The following GPSM3 variants were observed in gnomAD, a reference collection of about 807,000 sequenced individuals.
The protein encoded by GPSM3 is G protein-signaling modulator 3.
Under a neutral mutation model 20.4 loss-of-function variants are expected in GPSM3, and 16 were observed. The ratio of observed to expected loss-of-function variants is 0.78; its 90% confidence interval spans 0.53 to 1.19. The LOEUF (loss-of-function observed/expected upper bound fraction) is 1.19, where lower values mean the gene tolerates loss of function less well. GPSM3 is among the 50% of genes most tolerant of loss of function. The pLI, the probability that GPSM3 is intolerant of heterozygous loss-of-function variation, is 0.00. For synonymous variants in GPSM3, 70 were observed against 79.6 expected (o/e 0.88, Z 0.64); for missense variants, 177 against 204.6 (o/e 0.86, Z 0.82).
Position 32,192,180 on chromosome 6 carries a change from G to A in GPSM3, c.113C>T (p.Pro38Leu), listed in dbSNP as rs770178785. 1.3e-6 allele frequency: 2 copies of A among 1,512,550 alleles called. No individual in the cohort carries two copies. Among genetic ancestry groups the A allele is most frequent in the East Asian group, 2.3e-5 (1 of 43,590 alleles). The allele number at this position is 1,512,550 out of a possible 1,614,324, so 93.7% of individuals were successfully genotyped here. ...STTRPWRSAP[P>L]SPPPPGTRHT... ...GCGGGTCCCTGGAGGAGGAGGGGATGGAGGAGCAGATCGCCAAGGCCGAGT... is the reference window on the plus strand; with the variant it reads ...GCGGGTCCCTGGAGGAGGAGGGGATAGAGGAGCAGATCGCCAAGGCCGAGT... The change falls in exon 2 of 4, where the codon CCA becomes CTA. Residue 38 changes from proline to leucine, a missense_variant. Coordinates refer to ENST00000375040, the MANE Select transcript of GPSM3 (RefSeq NM_001276501.2). This position sits in a 1 kb window ranked among gnomAD's most constrained non-coding sequence, Gnocchi z 5.1.
rs1354543853 is a variant in GPSM3, at chr6:32,191,609, G to T, written c.345+100C>A. ...GGGAGGCATATAGGAAACCTGTGAAGGCGATGGGGTGCCTAGGGAGAAACA... is the reference window on the plus strand; with the variant it reads ...GGGAGGCATATAGGAAACCTGTGAATGCGATGGGGTGCCTAGGGAGAAACA... On this transcript the variant is annotated intron_variant, in intron 3 of 3. Transcript: ENST00000375040. The surrounding 1 kb of genome is among the most constrained non-coding windows in gnomAD (Gnocchi z 5.9). 6.8e-7 allele frequency: 1 copy of T among 1,479,894 alleles called. No homozygotes were observed. Among genetic ancestry groups the T allele is most frequent in the Non-Finnish European group, 9.1e-7 (1 of 1,097,958 alleles). 91.7% of individuals were successfully genotyped at this position (1,479,894 alleles called of 1,614,324 possible).
chr6:32,192,421 C>T lies in GPSM3; in HGVS notation c.42+51G>A. On this transcript the variant is annotated intron_variant, in intron 1 of 3. Transcript: ENST00000375040. This position sits in a 1 kb window ranked among gnomAD's most constrained non-coding sequence, Gnocchi z 5.1. Reference sequence around the variant, plus strand: ...CCTACATTTCTGCCCCAGGTCCTCTCACCTCCCTTCTTTCCCAGTGTCAGC... The same window carrying T: ...CCTACATTTCTGCCCCAGGTCCTCTTACCTCCCTTCTTTCCCAGTGTCAGC... 4 of 1,552,810 alleles carry T rather than the reference C, an allele frequency of 2.6e-6. No homozygotes were observed. The highest frequency in any genetic ancestry group is 1.4e-5 in the African/African-American group (1 of 73,664).
chr6:32,192,212 G>A lies in GPSM3; in HGVS notation c.81C>T (p.Asn27=), dbSNP rs1787580904. 3 of 1,514,282 alleles carry A rather than the reference G, an allele frequency of 2.0e-6. No homozygotes were observed. The highest frequency in any genetic ancestry group is 2.3e-5 in the Admixed American group (1 of 44,336). The allele number at this position is 1,514,282 out of a possible 1,614,324, so 93.8% of individuals were successfully genotyped here. A position where few individuals can be genotyped will look rare whatever the true frequency, so the allele number is the denominator to read the frequency against. Residue 27 remains asparagine, a synonymous_variant, in exon 2 of 4, where the codon AAC becomes AAT. Coordinates refer to ENST00000375040, the MANE Select transcript of GPSM3 (RefSeq NM_001276501.2). This position sits in a 1 kb window ranked among gnomAD's most constrained non-coding sequence, Gnocchi z 5.1. ...CAGATCGCCAAGGCCGAGTGGTGGA[G>A]TTTGGAGGGGGCCAGCCTTCCTCAT... The part of the protein sequence containing the change: ...PQDEEGWPPP[N]STTRPWRSAP...
Position 32,191,922 on chromosome 6 carries a change from T to G in GPSM3, c.146-14A>C, listed in dbSNP as rs1582751206. On this transcript the variant is annotated splice_polypyrimidine_tract_variant and intron_variant, in intron 2 of 3. Coordinates refer to ENST00000375040, the MANE Select transcript of GPSM3 (RefSeq NM_001276501.2). This position sits in a 1 kb window ranked among gnomAD's most constrained non-coding sequence, Gnocchi z 5.9. ...GGGGTCCCAGGGCTGGGGAGAGGGGTGTGGAGGGCTCAGAGACCCAGAGAG... is the reference window on the plus strand; with the variant it reads ...GGGGTCCCAGGGCTGGGGAGAGGGGGGTGGAGGGCTCAGAGACCCAGAGAG... The G allele has an allele frequency of 1.2e-6, 2 of 1,604,602 alleles. No homozygotes were observed. The highest frequency in any genetic ancestry group is 1.7e-6 in the Non-Finnish European group (2 of 1,176,964).
Position 32,191,070 on chromosome 6 carries a change from A to G in GPSM3, c.*296T>C, listed in dbSNP as rs1441727450. ...ACAACTGGTGGTGTCCCCACAAGTTAGGGAAAAGACTCCCAGCCACTCCTT... is the reference window on the plus strand; with the variant it reads ...ACAACTGGTGGTGTCCCCACAAGTTGGGGAAAAGACTCCCAGCCACTCCTT... On this transcript the variant is annotated 3_prime_UTR_variant, in exon 4 of 4. Transcript: ENST00000375040. The surrounding 1 kb of genome is among the most constrained non-coding windows in gnomAD (Gnocchi z 5.9). 2.8e-6 allele frequency: 1 copy of G among 362,360 alleles called. No individual in the cohort carries two copies. The highest frequency in any genetic ancestry group is 5.0e-6 in the Non-Finnish European group (1 of 202,002). 22.4% of individuals were successfully genotyped at this position (362,360 alleles called of 1,614,324 possible). A position where few individuals can be genotyped will look rare whatever the true frequency, so the allele number is the denominator to read the frequency against.
In GPSM3 at chr6:32,192,271, T is replaced by G; in HGVS notation, c.43-21A>C. On this transcript the variant is annotated intron_variant, in intron 1 of 3. Transcript: ENST00000375040. The surrounding 1 kb of genome is among the most constrained non-coding windows in gnomAD (Gnocchi z 5.1). ...GGGCCCTGATGCCAAAATATGTCCATTCTAGTCAAGCAGTGGTGGTTGAAG... is the reference window on the plus strand; with the variant it reads ...GGGCCCTGATGCCAAAATATGTCCAGTCTAGTCAAGCAGTGGTGGTTGAAG... 1 of 1,513,762 alleles carries G rather than the reference T, an allele frequency of 6.6e-7. No individual in the cohort carries two copies. The highest frequency in any genetic ancestry group is 1.3e-5 in the South Asian group (1 of 77,510). 93.8% of individuals were successfully genotyped at this position (1,513,762 alleles called of 1,614,324 possible).
Position 32,192,414 on chromosome 6 carries a change from G to A in GPSM3, c.42+58C>T, listed in dbSNP as rs936147775. 6 of 1,533,492 alleles carry A rather than the reference G, an allele frequency of 3.9e-6. No homozygotes were observed. The highest frequency in any genetic ancestry group is 1.4e-5 in the African/African-American group (1 of 73,226). The allele number at this position is 1,533,492 out of a possible 1,614,324, so 95.0% of individuals were successfully genotyped here. ...CTGTGTCCCTACATTTCTGCCCCAG[G>A]TCCTCTCACCTCCCTTCTTTCCCAG... On this transcript the variant is annotated intron_variant, in intron 1 of 3. Coordinates refer to ENST00000375040, the MANE Select transcript of GPSM3 (RefSeq NM_001276501.2). The surrounding 1 kb of genome is among the most constrained non-coding windows in gnomAD (Gnocchi z 5.1).
At chr6:32,194,524 G>A (rs1787732628), upstream of GPSM3, 1 of 157,974 alleles carries the variant, frequency 6.3e-6, no homozygotes, top group African/African-American at 2.4e-5. The surrounding 1 kb of genome is among the most constrained non-coding windows in gnomAD (Gnocchi z 4.5). Context: ...ACAGGAGGTG[G>A]AGCTTGGGCA....
Position 32,192,233 on chromosome 6 carries a change from C to G in GPSM3, c.60G>C (p.Glu20Asp). Reference sequence around the variant, plus strand: ...TGGAGTTTGGAGGGGGCCAGCCTTCCTCATCCTGAGGGGGGCCCTGATGCC... The same window carrying G: ...TGGAGTTTGGAGGGGGCCAGCCTTCGTCATCCTGAGGGGGGCCCTGATGCC... ...EDGEQGPPQDEEGWPPPNSTT... is the reference protein window; with the variant it reads ...EDGEQGPPQDDEGWPPPNSTT... Residue 20 changes from glutamate (E) to aspartate (D), a missense_variant, in exon 2 of 4, where the codon GAG becomes GAC. Physicochemically the swap from Glu to Asp is conservative, Grantham distance 45. Coordinates refer to ENST00000375040, the MANE Select transcript of GPSM3 (RefSeq NM_001276501.2). The surrounding 1 kb of genome is among the most constrained non-coding windows in gnomAD (Gnocchi z 5.1). 1 of 1,517,706 alleles carries G rather than the reference C, an allele frequency of 6.6e-7. No individual in the cohort carries two copies. Among genetic ancestry groups the G allele is most frequent in the Non-Finnish European group, 8.8e-7 (1 of 1,133,754 alleles). 94.0% of individuals were successfully genotyped at this position (1,517,706 alleles called of 1,614,324 possible). A position where few individuals can be genotyped will look rare whatever the true frequency, so the allele number is the denominator to read the frequency against.
rs1010616656 is a variant in GPSM3, at chr6:32,192,332, G to A, written c.43-82C>T. The stretch of plus-strand genomic sequence containing the variant: ...GGACAGGGGGCTAGGCCAGTGGCCC[G>A]TTTCCTCTCTGTGTGTCTCTGTTCC... On this transcript the variant is annotated intron_variant, in intron 1 of 3. Transcript: ENST00000375040. The surrounding 1 kb of genome is among the most constrained non-coding windows in gnomAD (Gnocchi z 5.1). 2.1e-5 allele frequency: 29 copies of A among 1,349,232 alleles called. No individual in the cohort carries two copies. The Admixed American group carries it at 4.3e-4, about 20-fold the overall frequency. 83.6% of individuals were successfully genotyped at this position (1,349,232 alleles called of 1,614,324 possible).
At position 32,192,381 on chromosome 6, in the gene GPSM3, C is replaced by A; in HGVS notation, c.42+91G>T. 6.9e-7 allele frequency: 1 copy of A among 1,455,944 alleles called. No individual in the cohort carries two copies. 90.2% of individuals were successfully genotyped at this position (1,455,944 alleles called of 1,614,324 possible). Reference sequence around the variant, plus strand: ...CCTGCCTCAGTTTGCCCAAGCCTTTCAAGGCCCCTGTGTCCCTACATTTCT... The same window carrying A: ...CCTGCCTCAGTTTGCCCAAGCCTTTAAAGGCCCCTGTGTCCCTACATTTCT... On this transcript the variant is annotated intron_variant, in intron 1 of 3. Coordinates refer to ENST00000375040, the MANE Select transcript of GPSM3 (RefSeq NM_001276501.2). This position sits in a 1 kb window ranked among gnomAD's most constrained non-coding sequence, Gnocchi z 5.1.
upstream of GPSM3, among the ~76,000 whole-genome samples, chr6:32,193,464 C>T (rs776112399): frequency 3.3e-5 from 5 of 152,110 alleles, no homozygotes; most frequent in Non-Finnish European, 5.9e-5. The surrounding 1 kb of genome is among the most constrained non-coding windows in gnomAD (Gnocchi z 4.7). Context: ...TGTGCCACTG[C>T]GCTCCAGCCT....
chr6:32,194,985 G>C, upstream of GPSM3: 1 of 240,246 alleles, frequency 4.2e-6, no homozygotes, highest in East Asian at 6.0e-5. This position sits in a 1 kb window ranked among gnomAD's most constrained non-coding sequence, Gnocchi z 4.5. Flanking sequence ...CAGCGGGGGT[G>C]GCCCTTGGCC....
rs1401989800 is a variant in GPSM3 at position 32,191,332 on chromosome 6, C to T, written c.*34G>A. 7.0e-6 allele frequency: 11 copies of T among 1,569,024 alleles called. No homozygotes were observed. The highest frequency in any genetic ancestry group is 1.2e-5 in the South Asian group (1 of 84,004). ...GCAATGGGCTGCCCAGCTTTGAGACCAGTGGCAAGGAAGGGCTGGTTGGGG... is the reference window on the plus strand; with the variant it reads ...GCAATGGGCTGCCCAGCTTTGAGACTAGTGGCAAGGAAGGGCTGGTTGGGG... On this transcript the variant is annotated 3_prime_UTR_variant, in exon 4 of 4. Transcript: ENST00000375040. This position sits in a 1 kb window ranked among gnomAD's most constrained non-coding sequence, Gnocchi z 5.9.
chr6:32,195,513 C>T, upstream of GPSM3: 2 of 1,613,014 alleles, frequency 1.2e-6, no homozygotes, highest in East Asian at 2.2e-5. This position sits in a 1 kb window ranked among gnomAD's most constrained non-coding sequence, Gnocchi z 5.4. Flanking sequence ...TTGAGGTGAT[C>T]CCCGCTCCGG....
chr6:32,192,004 G>A lies in GPSM3; in HGVS notation c.146-96C>T. 1 of 1,325,982 alleles carries A rather than the reference G, an allele frequency of 7.5e-7. No homozygotes were observed. The highest frequency in any genetic ancestry group is 1.1e-6 in the Non-Finnish European group (1 of 936,658). The allele number at this position is 1,325,982 out of a possible 1,614,324, so 82.1% of individuals were successfully genotyped here. Reference sequence around the variant, plus strand: ...ACAGGGTGACGTGATTAGGGACTTTGGATCAGAGGAGAGGGGGTGCAATGG... The same window carrying A: ...ACAGGGTGACGTGATTAGGGACTTTAGATCAGAGGAGAGGGGGTGCAATGG... On this transcript the variant is annotated intron_variant, in intron 2 of 3. Transcript: ENST00000375040. The surrounding 1 kb of genome is among the most constrained non-coding windows in gnomAD (Gnocchi z 5.1).
chr6:32,191,240 T>C lies in GPSM3; in HGVS notation c.*126A>G. ...TTCCCAGGGAAGGTGATGTGGGAGATGAATATTGAGATTTGTGCCGTGTCT... is the reference window on the plus strand; with the variant it reads ...TTCCCAGGGAAGGTGATGTGGGAGACGAATATTGAGATTTGTGCCGTGTCT... On this transcript the variant is annotated 3_prime_UTR_variant, in exon 4 of 4. Coordinates refer to ENST00000375040, the MANE Select transcript of GPSM3 (RefSeq NM_001276501.2). The surrounding 1 kb of genome is among the most constrained non-coding windows in gnomAD (Gnocchi z 5.9). 1 of 1,139,546 alleles carries C rather than the reference T, an allele frequency of 8.8e-7. No individual in the cohort carries two copies. Among genetic ancestry groups the C allele is most frequent in the South Asian group, 1.7e-5 (1 of 60,018 alleles). The allele number at this position is 1,139,546 out of a possible 1,614,324, so 70.6% of individuals were successfully genotyped here.
In GPSM3 at chr6:32,192,546, T is replaced by G; in HGVS notation, c.-33A>C. 1.5e-6 allele frequency: 2 copies of G among 1,345,152 alleles called. No individual in the cohort carries two copies. The highest frequency in any genetic ancestry group is 2.0e-6 in the Non-Finnish European group (2 of 1,016,392). 83.3% of individuals were successfully genotyped at this position (1,345,152 alleles called of 1,614,324 possible). On this transcript the variant is annotated 5_prime_UTR_variant, in exon 1 of 4. Coordinates refer to ENST00000375040, the MANE Select transcript of GPSM3 (RefSeq NM_001276501.2). This position sits in a 1 kb window ranked among gnomAD's most constrained non-coding sequence, Gnocchi z 5.1. ...AGGGGAGAAACTGGTGGGGGAGGGGTGGCTGGGATTTGGGAGGAGGGCTGG... is the reference window on the plus strand; with the variant it reads ...AGGGGAGAAACTGGTGGGGGAGGGGGGGCTGGGATTTGGGAGGAGGGCTGG...
rs974596375 is a variant in GPSM3, at chr6:32,191,111, G to T, written c.*255C>A. ...GCCACTCCTTGAGATGGGTGCCTGG[G>T]ATCCCCCTTACTGCCTCAAGCTCCC... On this transcript the variant is annotated 3_prime_UTR_variant, in exon 4 of 4. Transcript: ENST00000375040. The surrounding 1 kb of genome is among the most constrained non-coding windows in gnomAD (Gnocchi z 5.9). 6 of 450,182 alleles carry T rather than the reference G, an allele frequency of 1.3e-5. No homozygotes were observed. Among genetic ancestry groups the T allele is most frequent in the African/African-American group, 1.0e-4 (5 of 48,678 alleles). 27.9% of individuals were successfully genotyped at this position (450,182 alleles called of 1,614,324 possible). A position where few individuals can be genotyped will look rare whatever the true frequency, so the allele number is the denominator to read the frequency against.
Sources: gnomAD v4.1 joint callset for allele counts (sites outside exome capture counted in the v4.1 genomes callset) on GRCh38, gnomAD v4.1.1 for gene constraint, Gnocchi (gnomAD v3.1) non-coding constraint, MANE v1.5 for transcripts, NCBI Gene and HGNC (gene_info 2026-07-23, HGNC 2026-07-21) for gene names.